ZBTB11: variants seen among roughly 807,000 people sequenced by gnomAD.
The protein encoded by ZBTB11 is zinc finger and BTB domain containing 11.
ZBTB11 carries 68 observed loss-of-function variants against 113.1 expected under a neutral mutation model. The observed-to-expected ratio is 0.60, with a 90% CI of 0.49 to 0.74. ZBTB11 has a LOEUF of 0.74. Ranked by LOEUF, ZBTB11 falls within the 30% of genes least tolerant of loss-of-function variation. ZBTB11 has a pLI of 0.00. For missense variants in ZBTB11, 1,104 were observed against 1,279.4 expected (o/e 0.86, Z 2.09); for synonymous variants, 518 against 452.6 (o/e 1.14, Z -1.83).
intron 6 of ZBTB11, 101 bp downstream of exon 6, chr3:101,659,682 A>T (rs901070541): frequency 7.0e-7 from 1 of 1,422,138 alleles, no homozygotes; most frequent in Admixed American, 2.1e-5. Flanking sequence ...GACATTTTAC[A>T]AATGAGAGTG....
chr3:101,671,464 T>A, intron 2 of ZBTB11, 103 bp from the exon 3 acceptor site: 1 of 789,360 alleles, frequency 1.3e-6, no homozygotes, highest in Non-Finnish European at 2.1e-6. Flanking sequence ...TTACCAGGTA[T>A]GAATAATTTG....
intron 9 of ZBTB11, 39 bp downstream of exon 9, chr3:101,652,741 G>A (rs749862804): frequency 1.9e-5 from 30 of 1,609,602 alleles, no homozygotes; most frequent in South Asian, 3.3e-5. Flanking sequence ...GAGTACACAC[G>A]TTATCAATTA....
At chr3:101,658,280 C>G (rs979406667) in intron 6 of ZBTB11, among the ~76,000 whole-genome samples, 1 of 149,928 alleles carries the variant, frequency 6.7e-6, no homozygotes, top group Non-Finnish European at 1.5e-5. Context: ...GGCTAGAGTG[C>G]AGTGGTGCGG....
intron 5 of ZBTB11, among the ~76,000 whole-genome samples, chr3:101,661,487 C>T (rs1211669375): frequency 6.6e-6 from 1 of 152,146 alleles, no homozygotes. Flanking sequence ...CTTATTCTAC[C>T]ATCATAAATA....
intron 7 of ZBTB11, 45 bp from the exon 8 acceptor site, chr3:101,654,866 C>T (rs1237002103): frequency 6.6e-7 from 1 of 1,521,216 alleles, no homozygotes; most frequent in East Asian, 2.3e-5. Flanking sequence ...AGCAATCAGT[C>T]CTCTTTTAAC....
chr3:101,655,990 T>TATTGAGCACAC (rs1936789953), intron 7 of ZBTB11, 114 bp downstream of exon 7: 1 of 921,846 alleles, frequency 1.1e-6, no homozygotes, highest in African/African-American at 1.8e-5. Flanking sequence ...ACTGTCTCAA[T>TATTGAGCACAC]ACAAAATTGA....
At chr3:101,655,962 G>C (rs1459160911) in intron 7 of ZBTB11, 142 bp downstream of exon 7, 1 of 712,694 alleles carries the variant, frequency 1.4e-6, no homozygotes, top group Non-Finnish European at 2.0e-6. Context: ...CGCCCAGCCT[G>C]CACTTTTAAT....
At position 101,654,710 on chromosome 3, in the gene ZBTB11, CAAT is replaced by C; in HGVS notation, c.2300_2302del (p.His767_Cys768delinsArg). The stretch of plus-strand genomic sequence containing the variant: ...TCACATATTGAATACTTACTGAGTA[CAAT>C]GATAGCCTCGAACCTCAGGCTTTGG... On this transcript the variant is annotated inframe_deletion, in exon 8 of 11. Coordinates refer to ENST00000312938, the MANE Select transcript of ZBTB11 (RefSeq NM_014415.4). 6.2e-7 allele frequency: 1 copy of C among 1,613,614 alleles called. No homozygotes were observed. The highest frequency in any genetic ancestry group is 8.5e-7 in the Non-Finnish European group (1 of 1,179,626).
In ZBTB11 at chr3:101,676,487, T is replaced by C. The variant is rs536630308; in HGVS notation, c.310+118A>G. The C allele has an allele frequency of 2.7e-3, 2,919 of 1,084,876 alleles. 6 individuals carry two copies. Among genetic ancestry groups the C allele is most frequent in the Admixed American group, 3.3e-3 (82 of 25,016 alleles). 67.2% of individuals were successfully genotyped at this position (1,084,876 alleles called of 1,614,324 possible). A position where few individuals can be genotyped will look rare whatever the true frequency, so the allele number is the denominator to read the frequency against. On this transcript the variant is annotated intron_variant, in intron 1 of 10. Transcript: ENST00000312938. ...CCTCTCGGCTCCGCCTGGCAGCAGC[T>C]CCGCCGCCCAGAGGCGTCCGAGACC...
Position 101,649,802 on chromosome 3 carries a change from T to C in ZBTB11, c.*1364A>G, listed in dbSNP as rs1936666975. The C allele has an allele frequency of 6.5e-6, 1 of 152,802 alleles. No homozygotes were observed. Among genetic ancestry groups the C allele is most frequent in the South Asian group, 2.1e-4 (1 of 4,832 alleles). The allele number at this position is 152,802 out of a possible 1,614,324, so 9.5% of individuals were successfully genotyped here. A position where few individuals can be genotyped will look rare whatever the true frequency, so the allele number is the denominator to read the frequency against. On this transcript the variant is annotated 3_prime_UTR_variant, in exon 11 of 11. Coordinates refer to ENST00000312938, the MANE Select transcript of ZBTB11 (RefSeq NM_014415.4). ...AACTGGGAGAGGCAACTTAGTAATA[T>C]ATGTACATCAAGGCACATTCTTTTC...
At chr3:101,674,614 C>G (rs1937132987) in intron 1 of ZBTB11, among the ~76,000 whole-genome samples, 1 of 151,308 alleles carries the variant, frequency 6.6e-6, no homozygotes, top group Non-Finnish European at 1.5e-5. Flanking sequence ...GCACCAGAAT[C>G]GCTTGAACCC....
chr3:101,665,935 G>T, intron 3 of ZBTB11, 127 bp from the exon 4 acceptor site: 1 of 987,132 alleles, frequency 1.0e-6, no homozygotes, highest in Non-Finnish European at 1.5e-6. Context: ...ATCATCCCTG[G>T]ATTTGCATTT....
chr3:101,663,922 A>ATT (rs1174749481), intron 5 of ZBTB11, among the ~76,000 whole-genome samples: 1 of 152,012 alleles, frequency 6.6e-6, no homozygotes, highest in African/African-American at 2.4e-5. Flanking sequence ...AAAACTTAAT[A>ATT]TTCAGTAAGC....
At chr3:101,671,535 G>A (rs1389415646) in intron 2 of ZBTB11, 174 bp from the exon 3 acceptor site, 1 of 608,278 alleles carries the variant, frequency 1.6e-6, no homozygotes, top group Non-Finnish European at 2.9e-6. Flanking sequence ...CCTATTTTCT[G>A]CCATGTTCAT....
At chr3:101,674,259 T>A (rs868281993) in intron 1 of ZBTB11, among the ~76,000 whole-genome samples, 28 of 152,074 alleles carry the variant, frequency 1.8e-4, no homozygotes, top group South Asian at 1.0e-3. Context: ...AAGGCTGCAG[T>A]GAGCCGAGAT....
intron 6 of ZBTB11, among the ~76,000 whole-genome samples, chr3:101,659,281 T>A (rs183019765): frequency 1.3e-5 from 2 of 152,290 alleles, no homozygotes; most frequent in Non-Finnish European, 2.9e-5. Flanking sequence ...TACTCATATA[T>A]AAGGCTACAG....
intron 3 of ZBTB11, 81 bp downstream of exon 3, chr3:101,671,049 T>A: frequency 8.5e-7 from 1 of 1,178,634 alleles, no homozygotes; most frequent in Non-Finnish European, 1.2e-6. Context: ...TGGCATAAAG[T>A]CCGTGTGTGG....
chr3:101,663,890 AAAAAC>A (rs1004949952), intron 5 of ZBTB11, among the ~76,000 whole-genome samples: 123 of 152,302 alleles, frequency 8.1e-4, no homozygotes, highest in African/African-American at 2.7e-3. Flanking sequence ...ACTCCATCTC[AAAAAC>A]AAAACAAAAC....
chr3:101,676,427 C>A, intron 1 of ZBTB11, 178 bp downstream of exon 1: 3 of 627,336 alleles, frequency 4.8e-6, no homozygotes, highest in Non-Finnish European at 7.3e-6. Context: ...CGGCCTCCTT[C>A]CTGTGGGAAG....
Sources: allele counts gnomAD v4.1 joint callset (sites outside exome capture counted in the v4.1 genomes callset), GRCh38; gene constraint gnomAD v4.1.1; transcripts MANE v1.5; gene names NCBI Gene and HGNC (gene_info 2026-07-23, HGNC 2026-07-21).